RGS6: variants seen among roughly 807,000 people sequenced by gnomAD.
RGS6 encodes regulator of G-protein signaling 6.
RGS6 carries 30 observed loss-of-function variants against 78.5 expected under a neutral mutation model. That is an observed-to-expected ratio of 0.38 (90% CI 0.29 to 0.52). The LOEUF is 0.52. Among genes scored for constraint, RGS6 ranks in the 20% least tolerant of loss-of-function variants. The pLI is 0.85. For missense variants in RGS6, 495 were observed against 609.7 expected (o/e 0.81, Z 1.98); for synonymous variants, 206 against 206.0 (o/e 1.00, Z 0.00).
chr14:71,910,523 G>C, the RGS6 span, among the ~76,000 whole-genome samples: 6 of 152,182 alleles, frequency 3.9e-5, no homozygotes, highest in African/African-American at 1.4e-4. Context: ...AGTTTCTCTG[G>C]CATTGCTGTG....
At chr14:72,212,205 T>G (rs1415480262) in intron 2 of RGS6, among the ~76,000 whole-genome samples, 1 of 152,208 alleles carries the variant, frequency 6.6e-6, no homozygotes. Flanking sequence ...GTGTCCATTT[T>G]GAGGACTCAG....
At chr14:72,129,684 G>A (rs2096274776) in intron 2 of RGS6, among the ~76,000 whole-genome samples, 1 of 152,174 alleles carries the variant, frequency 6.6e-6, no homozygotes, top group Non-Finnish European at 1.5e-5. Flanking sequence ...TTTTCCAGCA[G>A]AGCCGCTGAA....
At chr14:72,078,490 T>G (rs1408450700) in intron 2 of RGS6, among the ~76,000 whole-genome samples, 1 of 152,172 alleles carries the variant, frequency 6.6e-6, no homozygotes, top group African/African-American at 2.4e-5. Flanking sequence ...CTCAGCTCAC[T>G]GCAACCTCCG....
chr14:72,483,720 A>C (rs1014723111), intron 12 of RGS6, among the ~76,000 whole-genome samples: 3 of 152,184 alleles, frequency 2.0e-5, no homozygotes, highest in African/African-American at 7.2e-5. Context: ...GACAGAAAAA[A>C]AAAAAGACCG....
chr14:72,480,534 A>T (rs1457243776), intron 12 of RGS6, among the ~76,000 whole-genome samples: 3 of 152,228 alleles, frequency 2.0e-5, no homozygotes, highest in African/African-American at 4.8e-5. Context: ...TATTCCCAGC[A>T]GCAATAACTG....
chr14:72,089,228 A>G (rs2095175299), intron 2 of RGS6, among the ~76,000 whole-genome samples: 1 of 152,238 alleles, frequency 6.6e-6, no homozygotes, highest in Admixed American at 6.5e-5. Flanking sequence ...AAATTAAAAC[A>G]TACTCACTGC....
At chr14:72,507,151 AGAGT>A (rs2096817885) in intron 13 of RGS6, among the ~76,000 whole-genome samples, 1 of 152,352 alleles carries the variant, frequency 6.6e-6, no homozygotes, top group African/African-American at 2.4e-5. Context: ...CCTGGACAAC[AGAGT>A]GAGACTCCAT....
the RGS6 span, among the ~76,000 whole-genome samples, chr14:71,887,884 T>C: frequency 3.3e-5 from 5 of 152,154 alleles, no homozygotes; most frequent in African/African-American, 1.2e-4. Flanking sequence ...TAGTTCTGCT[T>C]TTTGCCCTTT....
chr14:72,033,556 C>T (rs2091239738), intron 2 of RGS6, among the ~76,000 whole-genome samples: 1 of 152,168 alleles, frequency 6.6e-6, no homozygotes, highest in Non-Finnish European at 1.5e-5. Context: ...TATTTACCCT[C>T]ATGATCATGT....
intron 17 of RGS6, among the ~76,000 whole-genome samples, chr14:72,552,061 T>C (rs2097515486): frequency 6.7e-6 from 1 of 149,520 alleles, no homozygotes; most frequent in Non-Finnish European, 1.5e-5. Flanking sequence ...TATTACCTTA[T>C]TTAATTTCCA....
At chr14:72,603,430 A>G in the RGS6 span, among the ~76,000 whole-genome samples, 1 of 152,170 alleles carries the variant, frequency 6.6e-6, no homozygotes, top group Admixed American at 6.5e-5. Context: ...AGAGGGAGAA[A>G]TATCCATGCC....
chr14:72,246,319 C>T (rs1394859148), intron 2 of RGS6, among the ~76,000 whole-genome samples: 2 of 152,184 alleles, frequency 1.3e-5, no homozygotes, highest in Non-Finnish European at 2.9e-5. Context: ...TCAAAATAAA[C>T]AATGGTAATA....
chr14:71,959,729 T>C (rs1318307467), intron 1 of RGS6, among the ~76,000 whole-genome samples: 1 of 152,208 alleles, frequency 6.6e-6, no homozygotes, highest in South Asian at 2.1e-4. Flanking sequence ...TTGAATCTGA[T>C]GCCAGTGGCC....
intron 2 of RGS6, among the ~76,000 whole-genome samples, chr14:72,025,040 C>T (rs964175099): frequency 2.6e-5 from 4 of 152,072 alleles, no homozygotes; most frequent in African/African-American, 4.8e-5. Context: ...GAGCTAGGGA[C>T]AGAGAGGCTG....
intron 2 of RGS6, among the ~76,000 whole-genome samples, chr14:72,324,559 A>G (rs536319074): frequency 6.6e-6 from 1 of 151,828 alleles, no homozygotes; most frequent in African/African-American, 2.4e-5. Flanking sequence ...CCTGTGTCCA[A>G]GTGTACTCAT....
intron 3 of RGS6, among the ~76,000 whole-genome samples, chr14:72,392,770 G>T (rs2090317291): frequency 6.6e-6 from 1 of 152,158 alleles, no homozygotes; most frequent in Admixed American, 6.5e-5. Flanking sequence ...GAGAATGGTT[G>T]CAAAGCCTTC....
intron 2 of RGS6, among the ~76,000 whole-genome samples, chr14:72,117,466 T>C (rs1224036096): frequency 6.6e-6 from 1 of 152,090 alleles, no homozygotes; most frequent in Non-Finnish European, 1.5e-5. Flanking sequence ...GATTGTAGCT[T>C]CCTGAGGCCT....
chr14:72,268,167 A>G (rs1237093205), intron 2 of RGS6, among the ~76,000 whole-genome samples: 1 of 152,162 alleles, frequency 6.6e-6, no homozygotes, highest in Non-Finnish European at 1.5e-5. Flanking sequence ...TGTAGGAAAC[A>G]CTCATTTGAA....
chr14:72,087,009 C>T (rs1316235990), intron 2 of RGS6, among the ~76,000 whole-genome samples: 1 of 152,138 alleles, frequency 6.6e-6, no homozygotes, highest in Non-Finnish European at 1.5e-5. Context: ...GTGTTTATTA[C>T]TATGTGTTCT....
Sources: allele counts gnomAD v4.1 joint callset (sites outside exome capture counted in the v4.1 genomes callset), GRCh38; gene constraint gnomAD v4.1.1; transcripts MANE v1.5; gene names NCBI Gene and HGNC (gene_info 2026-07-23, HGNC 2026-07-21).